Variants in OLFM1 observed in about 807,000 individuals in gnomAD.
OLFM1 encodes noelin.
OLFM1 carries 9 observed loss-of-function variants against 49.7 expected under a neutral mutation model. That is an observed-to-expected ratio of 0.18 (90% CI 0.11 to 0.32). OLFM1 has a LOEUF of 0.32. Among genes scored for constraint, OLFM1 ranks in the 10% least tolerant of loss-of-function variants. The pLI is 1.00. For synonymous variants in OLFM1, 240 were observed against 271.8 expected (o/e 0.88, Z 1.15); for missense variants, 369 against 661.8 (o/e 0.56, Z 4.85).
rs1017148178 is a variant in OLFM1, at chr9:135,077,647, T to G, written c.96+1845T>G. Among the ~76,000 whole-genome samples the G allele has an allele frequency of 7.2e-5, 11 of 152,206 alleles. No individual in the cohort carries two copies. The South Asian group carries it at 2.1e-3, about 29-fold the overall frequency. ...CTCCGCGGGTCAGGAAGGGAAATGC[T>G]GCTGTTTTCTTTGCTGGCCTGGCAT... On this transcript the variant is annotated intron_variant, in intron 1 of 5. Transcript: ENST00000252854.
intron 3 of OLFM1, among the ~76,000 whole-genome samples, chr9:135,096,765 C>T (rs1018406986): frequency 2.0e-5 from 3 of 152,214 alleles, no homozygotes; most frequent in African/African-American, 7.2e-5. Flanking sequence ...GGGCAGTTTT[C>T]ACATCTGACC....
intron 1 of OLFM1, among the ~76,000 whole-genome samples, chr9:135,082,430 A>G (rs1830545302): frequency 6.6e-6 from 1 of 152,146 alleles, no homozygotes; most frequent in Non-Finnish European, 1.5e-5. Context: ...AGTCTCCCCC[A>G]CTTGCTTCTG....
At chr9:135,097,017 A>C (rs1210001958) in intron 3 of OLFM1, among the ~76,000 whole-genome samples, 1 of 152,196 alleles carries the variant, frequency 6.6e-6, no homozygotes, top group African/African-American at 2.4e-5. Context: ...GAAGGTATAC[A>C]TGCATTTTAA....
At chr9:135,076,380 T>A in intron 1 of OLFM1, 1 of 1,515,462 alleles carries the variant, frequency 6.6e-7, no homozygotes. Flanking sequence ...TGTGGCCACA[T>A]GCCCGGCAGG....
At chr9:135,097,732 C>A in intron 3 of OLFM1, 1 of 1,465,128 alleles carries the variant, frequency 6.8e-7, no homozygotes, top group Non-Finnish European at 9.6e-7. Flanking sequence ...CTGTTTCAGG[C>A]AGGCTAGTGA....
upstream of OLFM1, among the ~76,000 whole-genome samples, chr9:135,085,054 G>A (rs577517679): frequency 6.6e-6 from 1 of 152,318 alleles, no homozygotes; most frequent in South Asian, 2.1e-4. Context: ...AGATGCAGAG[G>A]GGGTGTGCTT....
rs28647235 is a variant in OLFM1, at chr9:135,113,685, G to A, written c.784-5819G>A. On this transcript the variant is annotated intron_variant, in intron 5 of 5. Transcript: ENST00000371793. The surrounding 1 kb of genome is among the most constrained non-coding windows in gnomAD (Gnocchi z 4.0). ...GGCCAGAAAGCTTTGGCAGACCCAC[G>A]GTGTGCCCTGAGCTGAGTGGGGGTG... Among the ~76,000 whole-genome samples, 32,145 of 152,158 alleles carry A rather than the reference G, an allele frequency of 0.21. 3,503 individuals are homozygous for A. The highest frequency in any genetic ancestry group is 0.29 in the Middle Eastern group (85 of 294).
chr9:135,075,655 G>T, exon 1 of OLFM1: 2 of 1,369,394 alleles, frequency 1.5e-6, no homozygotes, highest in Admixed American at 2.2e-5. Flanking sequence ...GCCAGAGCCG[G>T]AGCGCGTCCG....
At chr9:135,077,400 C>G (rs1564264681) in intron 1 of OLFM1, 8 of 807,548 alleles carry the variant, frequency 9.9e-6, no homozygotes, top group African/African-American at 3.4e-5. Context: ...AAGTTCTCCT[C>G]TTTGTGTCTT....
rs1401067597 is a variant in OLFM1 at position 135,076,681 on chromosome 9, C to T, written c.96+879C>T. On this transcript the variant is annotated intron_variant, in intron 1 of 5. Transcript: ENST00000252854. ...CCCTTTCAATGATGCCACTGTGCCA[C>T]GCTCTGAACTGGGAGACTCTGGCCC... 2.2e-5 allele frequency: 29 copies of T among 1,335,584 alleles called. No homozygotes were observed. The African/African-American group carries it at 3.0e-4, about 14-fold the overall frequency. The allele number at this position is 1,335,584 out of a possible 1,614,324, so 82.7% of individuals were successfully genotyped here.
intron 1 of OLFM1, chr9:135,076,523 G>A: frequency 1.6e-6 from 2 of 1,235,070 alleles, no homozygotes; most frequent in Non-Finnish European, 2.2e-6. Flanking sequence ...GATGCATATT[G>A]GAGCTGGCAG....
In OLFM1 at chr9:135,089,675, G is replaced by A. The variant is rs1020203687; in HGVS notation, c.151-520G>A. Reference sequence around the variant, plus strand: ...GTTCATCACAGCTCTGGGCGAATAGGCTGCTGGATCTGGGGCTGTTACAGT... The same window carrying A: ...GTTCATCACAGCTCTGGGCGAATAGACTGCTGGATCTGGGGCTGTTACAGT... On this transcript the variant is annotated intron_variant, in intron 1 of 5. Transcript: ENST00000371793. Among the ~76,000 whole-genome samples the A allele has an allele frequency of 3.9e-4, 60 of 152,218 alleles. 1 individual carries two copies. The highest frequency in any genetic ancestry group is 2.9e-5 in the Non-Finnish European group (2 of 68,044).
chr9:135,108,779 T>C (rs1197577867), intron 5 of OLFM1, among the ~76,000 whole-genome samples: 1 of 152,318 alleles, frequency 6.6e-6, no homozygotes, highest in South Asian at 2.1e-4. Context: ...TGCTTTGTCC[T>C]CCCTGGGACC....
In OLFM1 at chr9:135,080,028, G is replaced by A. The variant is rs1416790923; in HGVS notation, c.96+4226G>A. Among the ~76,000 whole-genome samples, 1 of 152,174 alleles carries A rather than the reference G, an allele frequency of 6.6e-6. No homozygotes were observed. Among genetic ancestry groups the A allele is most frequent in the Admixed American group, 6.5e-5 (1 of 15,300 alleles). Reference sequence around the variant, plus strand: ...GTGGGTTGGTGTGAACAGGGCAGACGAGAAGACCAGGGAGGTGATGCTGAC... The same window carrying A: ...GTGGGTTGGTGTGAACAGGGCAGACAAGAAGACCAGGGAGGTGATGCTGAC... On this transcript the variant is annotated intron_variant, in intron 1 of 5. Transcript: ENST00000252854. This position sits in a 1 kb window ranked among gnomAD's most constrained non-coding sequence, Gnocchi z 4.5.
chr9:135,089,407 C>T (rs554042138), intron 1 of OLFM1, among the ~76,000 whole-genome samples: 2 of 152,224 alleles, frequency 1.3e-5, no homozygotes, highest in East Asian at 3.9e-4. Flanking sequence ...GAGTGCCCGC[C>T]CCGGTACCTG....
In OLFM1 at chr9:135,096,027, T is replaced by A. The variant is rs1366809968; in HGVS notation, c.456+8T>A. On this transcript the variant is annotated splice_region_variant and intron_variant, in intron 3 of 5. Coordinates refer to ENST00000371793, the MANE Select transcript of OLFM1 (RefSeq NM_001282611.2). ...CTGGCCAGGCAGTTTAAGGTATGCATGTTCCTCCCCCTCTCCCTCCCCTTA... is the reference window on the plus strand; with the variant it reads ...CTGGCCAGGCAGTTTAAGGTATGCAAGTTCCTCCCCCTCTCCCTCCCCTTA... The A allele has an allele frequency of 1.6e-6, 2 of 1,226,876 alleles. No homozygotes were observed. Among genetic ancestry groups the A allele is most frequent in the African/African-American group, 2.4e-5 (1 of 42,424 alleles). 76.0% of individuals were successfully genotyped at this position (1,226,876 alleles called of 1,614,324 possible).
At position 135,089,004 on chromosome 9, in the gene OLFM1, G is replaced by A. The variant is rs912572241; in HGVS notation, c.150+865G>A. Among the ~76,000 whole-genome samples, 56 of 152,222 alleles carry A rather than the reference G, an allele frequency of 3.7e-4. 1 individual carries two copies. Among genetic ancestry groups the A allele is most frequent in the African/African-American group, 1.1e-3 (46 of 41,462 alleles). On this transcript the variant is annotated intron_variant, in intron 1 of 5. Coordinates refer to ENST00000371793, the MANE Select transcript of OLFM1 (RefSeq NM_001282611.2). ...GGGAAGGGGCCGCTGCCGGGAAGGC[G>A]CGCCCCAGACCACTGGCCCTTTAGG...
upstream of OLFM1, among the ~76,000 whole-genome samples, chr9:135,084,893 G>A (rs118031642): frequency 1.3e-3 from 200 of 152,218 alleles, 4 homozygotes; most frequent in East Asian, 0.033. The surrounding 1 kb of genome is among the most constrained non-coding windows in gnomAD (Gnocchi z 4.6). Flanking sequence ...TGTTGGTGTC[G>A]TCTGTGCCCT....
intron 1 of OLFM1, among the ~76,000 whole-genome samples, chr9:135,082,026 G>C (rs576979124): frequency 6.6e-6 from 1 of 152,194 alleles, no homozygotes; most frequent in East Asian, 1.9e-4. Flanking sequence ...TTCTGTGCTC[G>C]TGTCAAAGCT....
Sources: allele counts gnomAD v4.1 joint callset (sites outside exome capture counted in the v4.1 genomes callset), GRCh38; gene constraint gnomAD v4.1.1; non-coding constraint Gnocchi (gnomAD v3.1); transcripts MANE v1.5; gene names NCBI Gene and HGNC (gene_info 2026-07-23, HGNC 2026-07-21).